Variants in BRD7 observed in about 807,000 individuals in gnomAD.
BRD7 encodes the protein bromodomain-containing protein 7.
BRD7 carries 15 observed loss-of-function variants against 82.1 expected under a neutral mutation model. That is an observed-to-expected ratio of 0.18 (90% CI 0.12 to 0.28). BRD7 has a LOEUF of 0.28. Ranked by LOEUF, BRD7 falls within the 10% of genes least tolerant of loss-of-function variation. The probability of loss-of-function intolerance (pLI) is 1.00; values close to 1 mark genes in which losing one functional copy is unlikely to be tolerated. For synonymous variants in BRD7, 232 were observed against 266.9 expected, an observed-to-expected ratio of 0.87 and a Z score of 1.27; for missense variants, 638 against 779.9, an observed-to-expected ratio of 0.82 and a Z score of 2.17.
intron 2 of BRD7, among the ~76,000 whole-genome samples, chr16:50,365,709 T>A (rs1023531494): frequency 6.6e-6 from 1 of 152,160 alleles, no homozygotes; most frequent in Non-Finnish European, 1.5e-5. Flanking sequence ...GTATAAGATC[T>A]GAAATAAATC....
chr16:50,357,404 T>A (rs895740661), intron 2 of BRD7, among the ~76,000 whole-genome samples: 1 of 152,238 alleles, frequency 6.6e-6, no homozygotes, highest in East Asian at 1.9e-4. Context: ...AGTTGGTTAA[T>A]GTATTTTTAC....
At chr16:50,351,714 T>A (rs555902893) in intron 4 of BRD7, among the ~76,000 whole-genome samples, 81 of 152,378 alleles carry the variant, frequency 5.3e-4, no homozygotes, top group Non-Finnish European at 7.9e-4. Flanking sequence ...AAGTGTTTTT[T>A]CATTAAGACT....
intron 5 of BRD7, among the ~76,000 whole-genome samples, chr16:50,343,377 A>T (rs1379350309): frequency 2.0e-5 from 3 of 152,234 alleles, no homozygotes; most frequent in African/African-American, 2.4e-5. Context: ...TCCAGTCTAC[A>T]GCTCCCAGCA....
chr16:50,338,101 T>C (rs943644421), intron 6 of BRD7, among the ~76,000 whole-genome samples: 1 of 152,160 alleles, frequency 6.6e-6, no homozygotes, highest in African/African-American at 2.4e-5. Flanking sequence ...TATTTTGGAG[T>C]GACTAAAGGC....
intron 2 of BRD7, among the ~76,000 whole-genome samples, chr16:50,360,518 TATG>T (rs1416750312): frequency 6.6e-6 from 1 of 152,228 alleles, no homozygotes. Flanking sequence ...CCATTAGCTC[TATG>T]ATGCTTTCCC....
In BRD7 at chr16:50,339,929, G is replaced by A. The variant is rs148572052; in HGVS notation, c.702+47C>T. On this transcript the variant is annotated intron_variant, in intron 6 of 16. Coordinates refer to ENST00000394688, the MANE Select transcript of BRD7 (RefSeq NM_013263.5). ...TGTATTACTATGGCCAACAAACAGC[G>A]ACACAGATTTTAATAACTATTATTT... 1.1e-3 allele frequency: 1,337 copies of A among 1,182,588 alleles called. 25 individuals carry two copies. The East Asian group carries it at 0.03, about 26-fold the overall frequency. 73.3% of individuals were successfully genotyped at this position (1,182,588 alleles called of 1,614,324 possible). A position where few individuals can be genotyped will look rare whatever the true frequency, so the allele number is the denominator to read the frequency against.
At chr16:50,357,182 T>C (rs1264097068) in intron 2 of BRD7, among the ~76,000 whole-genome samples, 8 of 152,222 alleles carry the variant, frequency 5.3e-5, no homozygotes, top group Non-Finnish European at 7.3e-5. Context: ...TCTGCAGGTA[T>C]GGGGTAGAGA....
At chr16:50,330,481 T>G (rs1181059957) in intron 8 of BRD7, among the ~76,000 whole-genome samples, 3 of 152,092 alleles carry the variant, frequency 2.0e-5, no homozygotes, top group Admixed American at 2.0e-4. Context: ...CTTCTGTGCC[T>G]CTGAGATGTA....
intron 1 of BRD7, 162 bp downstream of exon 1, chr16:50,368,564 G>A: frequency 3.9e-6 from 3 of 775,066 alleles, no homozygotes; most frequent in South Asian, 2.7e-5. Context: ...TGCCGCGGCC[G>A]CACGGGGGGC....
At chr16:50,361,719 T>A (rs986071435) in intron 2 of BRD7, 3 of 152,234 alleles carry the variant, frequency 2.0e-5, no homozygotes, top group Non-Finnish European at 4.4e-5. Flanking sequence ...CTCCTTACTC[T>A]GCCATCTCAG....
chr16:50,344,517 GA>G (rs1414891594), intron 5 of BRD7, among the ~76,000 whole-genome samples: 4 of 152,144 alleles, frequency 2.6e-5, no homozygotes, highest in Non-Finnish European at 4.4e-5. Flanking sequence ...TAAAAACCTT[GA>G]AAAAAGATTA....
intron 2 of BRD7, 128 bp downstream of exon 2, chr16:50,367,962 T>C (rs1249519417): frequency 3.2e-6 from 3 of 941,370 alleles, no homozygotes; most frequent in Non-Finnish European, 5.0e-6. Context: ...TATTCTGTCC[T>C]GCTCCTCCTC....
chr16:50,323,427 C>A (rs1380520233), intron 12 of BRD7, among the ~76,000 whole-genome samples, 160 bp downstream of exon 12: 1 of 152,218 alleles, frequency 6.6e-6, no homozygotes, highest in Non-Finnish European at 1.5e-5. Flanking sequence ...TACTCCTTTC[C>A]GTTTATTGTC....
chr16:50,357,935 G>A (rs138028698), intron 2 of BRD7, among the ~76,000 whole-genome samples: 12 of 152,112 alleles, frequency 7.9e-5, no homozygotes, highest in East Asian at 5.8e-4. Flanking sequence ...AGCCAAGAAC[G>A]CATCACTGCA....
chr16:50,320,403 G>C lies in BRD7; in HGVS notation c.1613-12C>G. 2 of 1,611,618 alleles carry C rather than the reference G, an allele frequency of 1.2e-6. No individual in the cohort carries two copies. The highest frequency in any genetic ancestry group is 1.7e-6 in the Non-Finnish European group (2 of 1,178,924). ...GAATATTTCAGCTTCTGTGTGGTAA[G>C]AAAACAGACACACTTCTGTTTGATC... On this transcript the variant is annotated splice_polypyrimidine_tract_variant and intron_variant, in intron 14 of 16. Transcript: ENST00000394688.
At chr16:50,367,750 T>C (rs2039201667) in intron 2 of BRD7, among the ~76,000 whole-genome samples, 1 of 152,236 alleles carries the variant, frequency 6.6e-6, no homozygotes. Context: ...CACTCGCTTC[T>C]GAAATGACTA....
At position 50,323,709 on chromosome 16, in the gene BRD7, C is replaced by T; in HGVS notation, c.1332-11G>A. 1 of 1,600,032 alleles carries T rather than the reference C, an allele frequency of 6.2e-7. No individual in the cohort carries two copies. Among genetic ancestry groups the T allele is most frequent in the Non-Finnish European group, 8.6e-7 (1 of 1,167,692 alleles). On this transcript the variant is annotated splice_polypyrimidine_tract_variant and intron_variant, in intron 11 of 16. Coordinates refer to ENST00000394688, the MANE Select transcript of BRD7 (RefSeq NM_013263.5). ...AAAAACTCATGGATGCTGCAAGAGA[C>T]AGTTAGGAAAGTCTCACATAAATCA...
intron 8 of BRD7, among the ~76,000 whole-genome samples, chr16:50,331,926 G>A (rs774843716): frequency 3.7e-4 from 57 of 152,232 alleles, no homozygotes; most frequent in Admixed American, 5.2e-4. Context: ...TAAGAAAACT[G>A]GCTAACCATG....
chr16:50,353,692 C>T (rs1375108066), intron 4 of BRD7, among the ~76,000 whole-genome samples: 1 of 151,744 alleles, frequency 6.6e-6, no homozygotes, highest in Non-Finnish European at 1.5e-5. Context: ...CTCCTGGGTT[C>T]ACACCATTCT....
Sources: allele counts gnomAD v4.1 joint callset (sites outside exome capture counted in the v4.1 genomes callset), GRCh38; gene constraint gnomAD v4.1.1; transcripts MANE v1.5; gene names NCBI Gene and HGNC (gene_info 2026-07-23, HGNC 2026-07-21).